The following AGRN variants were observed in gnomAD, a reference collection of about 807,000 sequenced individuals.
The protein encoded by AGRN is agrin.
AGRN carries 106 observed loss-of-function variants against 211.0 expected under a neutral mutation model. That is an observed-to-expected ratio of 0.50 (90% CI 0.43 to 0.59). The LOEUF (loss-of-function observed/expected upper bound fraction) is 0.59, where lower values mean the gene tolerates loss of function less well. Ranked by LOEUF, AGRN falls within the 20% of genes least tolerant of loss-of-function variation. The pLI, the probability that AGRN is intolerant of heterozygous loss-of-function variation, is 0.00. For missense variants in AGRN, 3,040 were observed against 2,982.6 expected (o/e 1.02, Z -0.45); for synonymous variants, 1,525 against 1,332.5 (o/e 1.14, Z -3.15).
At chr1:1,020,469 A>C in intron 1 of AGRN, 96 bp downstream of exon 1, 1 of 1,245,108 alleles carries the variant, frequency 8.0e-7, no homozygotes, top group Non-Finnish European at 1.1e-6. Context: ...GTCGCTCCGC[A>C]GCCCCCGCTC....
Position 1,041,966 on chromosome 1 carries a change from G to A in AGRN, c.1188G>A (p.Pro396=), listed in dbSNP as rs138841641. The A allele has an allele frequency of 8.1e-4, 1,312 of 1,611,798 alleles. 18 individuals carry two copies. The highest frequency in any genetic ancestry group is 8.5e-4 in the Middle Eastern group (5 of 5,912). The change falls in exon 7 of 36, where the codon CCG becomes CCA. Residue 396 remains proline, a synonymous_variant. Transcript: ENST00000379370. ...ACCCCTGCGTCCTAGACCAGTGCCCGGAGCCCTGCCGGTTCAATGCCGTGT... is the reference window on the plus strand; with the variant it reads ...ACCCCTGCGTCCTAGACCAGTGCCCAGAGCCCTGCCGGTTCAATGCCGTGT... ...SGQCQGRDQC[P]EPCRFNAVCL... is the part of the protein sequence containing the mutation.
Position 1,043,620 on chromosome 1 carries a change from GGCCCA to G in AGRN, c.1691_1695del (p.Gln564ArgfsTer35). ...TGTGCCCCTCTGAATGCGTGGCTTT[GGCCCA>G]GCCCGTGTGTGGCTCCGACGGGCAC... On this transcript the variant is annotated frameshift_variant, in exon 9 of 36. Transcript: ENST00000379370. LOFTEE classifies it high-confidence loss of function. 1 of 1,604,180 alleles carries G rather than the reference GGCCCA, an allele frequency of 6.2e-7. No individual in the cohort carries two copies. The highest frequency in any genetic ancestry group is 2.2e-5 in the East Asian group (1 of 44,870).
intron 2 of AGRN, among the ~76,000 whole-genome samples, chr1:1,030,848 C>CGT (rs375435676): frequency 3.9e-5 from 3 of 77,642 alleles, no homozygotes; most frequent in Admixed American, 1.6e-4. Flanking sequence ...GTGAGATCAG[C>CGT]GTGTGTGTGT....
intron 4 of AGRN, 95 bp downstream of exon 4, chr1:1,040,975 G>T (rs1276549755): frequency 3.3e-6 from 1 of 305,756 alleles, no homozygotes; most frequent in Non-Finnish European, 5.1e-6. Flanking sequence ...TGGGGCGGGG[G>T]CAGGGGCGGG....
chr1:1,020,879 GC>G, intron 1 of AGRN, among the ~76,000 whole-genome samples: 1 of 151,362 alleles, frequency 6.6e-6, no homozygotes, highest in Non-Finnish European at 1.5e-5. Flanking sequence ...AGAGAGGTGG[GC>G]GGGGCCGTCA....
At chr1:1,051,997 C>T in intron 33 of AGRN, 182 bp downstream of exon 33, 1 of 1,541,598 alleles carries the variant, frequency 6.5e-7, no homozygotes, top group Non-Finnish European at 8.8e-7. Context: ...TCCAAGCGAA[C>T]TGGCCAATGA....
intron 3 of AGRN, among the ~76,000 whole-genome samples, chr1:1,039,412 G>GGC (rs1553174279): frequency 8.1e-3 from 27 of 3,318 alleles, no homozygotes; most frequent in East Asian, 0.25. Context: ...CCTTGGAGAT[G>GGC]GGGGGGGTTC....
At chr1:1,040,600 C>T (rs1644903359) in intron 3 of AGRN, 65 bp from the exon 4 acceptor site, 8 of 1,532,590 alleles carry the variant, frequency 5.2e-6, no homozygotes, top group Non-Finnish European at 7.0e-6. Context: ...GGCAAGGTCT[C>T]TCAGGCTTGT....
chr1:1,041,408 C>G lies in AGRN; in HGVS notation c.952+11C>G. ...TCGACGGCCCTTGTGGTGAGCGCGG[C>G]GGCGGGCGCACGGCTCGAGCTCTGT... is the stretch of plus-strand genomic sequence containing the variant. On this transcript the variant is annotated intron_variant, in intron 5 of 35. Transcript: ENST00000379370. 2 of 1,544,152 alleles carry G rather than the reference C, an allele frequency of 1.3e-6. No individual in the cohort carries two copies. Among genetic ancestry groups the G allele is most frequent in the Non-Finnish European group, 1.7e-6 (2 of 1,151,508 alleles).
Position 1,054,999 on chromosome 1 carries a change from G to T in AGRN, c.*18G>T. The T allele has an allele frequency of 5.2e-6, 8 of 1,547,508 alleles. No individual in the cohort carries two copies. The highest frequency in any genetic ancestry group is 4.8e-5 in the South Asian group (4 of 84,032). On this transcript the variant is annotated 3_prime_UTR_variant, in exon 36 of 36. Transcript: ENST00000379370. ...CCCCATGAGCTGGCACCAGAGCCCCGCGCCCGCTGTAATTATTTTCTATTT... is the reference window on the plus strand; with the variant it reads ...CCCCATGAGCTGGCACCAGAGCCCCTCGCCCGCTGTAATTATTTTCTATTT...
In AGRN at chr1:1,055,175, G is replaced by A. The variant is rs1396583810; in HGVS notation, c.*194G>A. On this transcript the variant is annotated 3_prime_UTR_variant, in exon 36 of 36. Transcript: ENST00000379370. The stretch of plus-strand genomic sequence containing the variant: ...GGCGAGGTGGCAGCGTGGAGGGCTC[G>A]GCGTGGATGGCAGCCTCAGGACACA... 6 of 854,714 alleles carry A rather than the reference G, an allele frequency of 7.0e-6. No individual in the cohort carries two copies. The highest frequency in any genetic ancestry group is 4.3e-5 in the Admixed American group (2 of 46,668). 52.9% of individuals were successfully genotyped at this position (854,714 alleles called of 1,614,324 possible).
chr1:1,053,583 CT>C (rs1225674087), intron 33 of AGRN, 169 bp from the exon 34 acceptor site: 14 of 1,512,060 alleles, frequency 9.3e-6, no homozygotes, highest in Non-Finnish European at 1.2e-5. Context: ...CAGGCTGCCC[CT>C]GTCTCCATCC....
Position 1,032,577 on chromosome 1 carries a change from G to A in AGRN, c.464-2700G>A, listed in dbSNP as rs913340217. Among the ~76,000 whole-genome samples the A allele has an allele frequency of 4.6e-5, 7 of 152,158 alleles. No individual in the cohort carries two copies. The highest frequency in any genetic ancestry group is 1.7e-4 in the African/African-American group (7 of 41,424). ...CTGGGGTGGACTGAGGTGAGGCCTG[G>A]GTGTGACCACGCGGTGGCACTGGTG... On this transcript the variant is annotated intron_variant, in intron 2 of 35. Transcript: ENST00000379370. The surrounding 1 kb of genome is among the most constrained non-coding windows in gnomAD (Gnocchi z 4.7).
At chr1:1,052,459 T>C in intron 33 of AGRN, 1 of 288,998 alleles carries the variant, frequency 3.5e-6, no homozygotes, top group Non-Finnish European at 6.8e-6. Flanking sequence ...CGGCCGTGTG[T>C]GTGCATGGCT....
intron 1 of AGRN, among the ~76,000 whole-genome samples, chr1:1,021,047 C>T (rs1353447622): frequency 6.6e-6 from 1 of 152,140 alleles, no homozygotes; most frequent in African/African-American, 2.4e-5. Flanking sequence ...ACCATCTTCT[C>T]CTAGTAGGGG....
rs192377440 is a variant in AGRN at position 1,055,389 on chromosome 1, C to T, written c.*408C>T. The T allele has an allele frequency of 6.0e-4, 207 of 346,814 alleles. 2 individuals carry two copies. The highest frequency in any genetic ancestry group is 4.2e-3 in the African/African-American group (196 of 46,976). 21.5% of individuals were successfully genotyped at this position (346,814 alleles called of 1,614,324 possible). A position where few individuals can be genotyped will look rare whatever the true frequency, so the allele number is the denominator to read the frequency against. The stretch of plus-strand genomic sequence containing the variant: ...GGTGACCCCACAGGGCCTTTCCAAG[C>T]CCCCATTTGAGCTGCTCCTTCCTGT... On this transcript the variant is annotated 3_prime_UTR_variant, in exon 36 of 36. Transcript: ENST00000379370.
chr1:1,020,828 G>C (rs921884264), intron 1 of AGRN, among the ~76,000 whole-genome samples: 12 of 150,532 alleles, frequency 8.0e-5, no homozygotes, highest in Non-Finnish European at 1.3e-4. Context: ...GGAGCCAGGT[G>C]GGGGGTGCCG....
At position 1,047,784 on chromosome 1, in the gene AGRN, T is replaced by C; in HGVS notation, c.3640T>C (p.Phe1214Leu). The change falls in exon 22 of 36, where the codon TTC (phenylalanine) becomes CTC (leucine). Residue 1214 changes from phenylalanine (F) to leucine (L), a missense_variant. By Grantham distance (22) the Phe-to-Leu change is conservative. Transcript: ENST00000379370. ...VDVHFDPTTA[F>L]RAPDVARALL... is the part of the protein sequence containing the mutation. Reference sequence around the variant, plus strand: ...AGCTCCCTCCTCCCCAGCCACAGCCTTCAGGGCACCCGACGTGGCCCGGGC... The same window carrying C: ...AGCTCCCTCCTCCCCAGCCACAGCCCTCAGGGCACCCGACGTGGCCCGGGC... The C allele has an allele frequency of 1.2e-6, 2 of 1,607,916 alleles. No homozygotes were observed. Among genetic ancestry groups the C allele is most frequent in the South Asian group, 2.2e-5 (2 of 90,500 alleles).
At position 1,046,365 on chromosome 1, in the gene AGRN, C is replaced by G. The variant is rs771476551; in HGVS notation, c.2912-32C>G. 14 of 1,602,958 alleles carry G rather than the reference C, an allele frequency of 8.7e-6. No individual in the cohort carries two copies. In the Admixed American group the frequency reaches 1.3e-4, roughly 15 times the overall value. ...CTGAGCCACCTGACCCTGTCCCAAC[C>G]GGTCCCCCCGCCAACCTCCCTCTCC... On this transcript the variant is annotated intron_variant, in intron 17 of 35. Coordinates refer to ENST00000379370, the MANE Select transcript of AGRN (RefSeq NM_198576.4).
Sources: gnomAD v4.1 joint callset for allele counts (sites outside exome capture counted in the v4.1 genomes callset) on GRCh38, gnomAD v4.1.1 for gene constraint, Gnocchi (gnomAD v3.1) non-coding constraint, MANE v1.5 for transcripts, NCBI Gene and HGNC (gene_info 2026-07-23, HGNC 2026-07-21) for gene names.